BCAS4: variants seen among roughly 807,000 people sequenced by gnomAD.
BCAS4 encodes the protein breast carcinoma-amplified sequence 4.
Under a neutral mutation model 15.7 loss-of-function variants are expected in BCAS4, and 9 were observed. That is an observed-to-expected ratio of 0.57 (90% CI 0.34 to 1.00). The LOEUF (loss-of-function observed/expected upper bound fraction) is 1.00. Ranked by LOEUF, BCAS4 falls within the 50% of genes least tolerant of loss-of-function variation. The probability of loss-of-function intolerance (pLI) is 0.02; values close to 1 mark genes in which losing one functional copy is unlikely to be tolerated. For missense variants in BCAS4, 225 were observed against 239.1 expected (o/e 0.94, Z 0.39); for synonymous variants, 101 against 99.5 (o/e 1.02, Z -0.09).
intron 2 of BCAS4, among the ~76,000 whole-genome samples, chr20:50,823,343 G>A (rs1286000497): frequency 2.0e-5 from 3 of 150,946 alleles, no homozygotes; most frequent in Non-Finnish European, 4.4e-5. Context: ...CCGTCCCCCC[G>A]GCCCAAAAAA....
At chr20:50,870,458 G>A (rs1036538055) in intron 4 of BCAS4, among the ~76,000 whole-genome samples, 2 of 152,192 alleles carry the variant, frequency 1.3e-5, no homozygotes, top group African/African-American at 2.4e-5. Flanking sequence ...ACCCTGTCAC[G>A]TGCTGTGACA....
chr20:50,857,814 T>A (rs1978846355), intron 4 of BCAS4, among the ~76,000 whole-genome samples: 2 of 152,186 alleles, frequency 1.3e-5, no homozygotes, highest in Non-Finnish European at 2.9e-5. Context: ...AGTGAGTTAT[T>A]CCCCATCAGC....
rs550628520 is a variant in BCAS4 at position 50,841,877 on chromosome 20, G to A, written c.376G>A (p.Ala126Thr). Reference sequence around the variant, plus strand: ...GGCCCTGCGGAGGTGGCTGGGATCCGCAGGGCTCCCCTCCTTCAGGAACGT... The same window carrying A: ...GGCCCTGCGGAGGTGGCTGGGATCCACAGGGCTCCCCTCCTTCAGGAACGT... ...PQALRRWLGS[A>T]GLPSFRNKSP... Residue 126 changes from alanine (A) to threonine (T), a missense_variant, in exon 4 of 5, where the codon GCA (alanine) becomes ACA (threonine). Transcript: ENST00000371608. The A allele has an allele frequency of 7.2e-5, 115 of 1,595,070 alleles. 3 individuals are homozygous for A. In the South Asian group the frequency reaches 1.0e-3, roughly 14 times the overall value.
intron 3 of BCAS4, among the ~76,000 whole-genome samples, chr20:50,832,443 A>C (rs1294921984): frequency 2.0e-5 from 3 of 151,996 alleles, no homozygotes; most frequent in Admixed American, 6.6e-5. Context: ...TTTTTCGTAG[A>C]GACAGGGTTT....
At chr20:50,861,599 G>C (rs1979071495) in intron 4 of BCAS4, among the ~76,000 whole-genome samples, 1 of 152,162 alleles carries the variant, frequency 6.6e-6, no homozygotes, top group Admixed American at 6.5e-5. Flanking sequence ...CAGTTGTTTT[G>C]TGTGTCCATG....
chr20:50,855,754 G>T (rs1243766070), intron 4 of BCAS4, among the ~76,000 whole-genome samples: 1 of 152,198 alleles, frequency 6.6e-6, no homozygotes, highest in Non-Finnish European at 1.5e-5. Flanking sequence ...GGACGCTTTT[G>T]ACTGTGTCAC....
chr20:50,840,734 C>T (rs867107422), intron 3 of BCAS4: 5 of 1,611,886 alleles, frequency 3.1e-6, no homozygotes, highest in African/African-American at 2.7e-5. Flanking sequence ...TCAGCCATAT[C>T]GGATTTGTCA....
At chr20:50,848,454 T>C (rs1456463516) in intron 4 of BCAS4, among the ~76,000 whole-genome samples, 2 of 151,934 alleles carry the variant, frequency 1.3e-5, no homozygotes, top group Non-Finnish European at 2.9e-5. Context: ...GCTTGAGAAA[T>C]TGCTAGTCCA....
At chr20:50,806,574 G>A (rs1292169890) in intron 1 of BCAS4, among the ~76,000 whole-genome samples, 1 of 152,220 alleles carries the variant, frequency 6.6e-6, no homozygotes, top group African/African-American at 2.4e-5. Context: ...GTGTCTAGCA[G>A]TTGGTGCTGG....
At chr20:50,849,329 G>T (rs184447020) in intron 4 of BCAS4, among the ~76,000 whole-genome samples, 1 of 152,192 alleles carries the variant, frequency 6.6e-6, no homozygotes, top group Non-Finnish European at 1.5e-5. Context: ...TGCTGCCCTG[G>T]GGGAGGGAAG....
At chr20:50,803,701 C>T (rs1225362893) in intron 1 of BCAS4, among the ~76,000 whole-genome samples, 2 of 150,660 alleles carry the variant, frequency 1.3e-5, no homozygotes, top group Non-Finnish European at 2.9e-5. Flanking sequence ...ATAAATTAGC[C>T]AGGTGTGGTG....
At chr20:50,814,945 C>A (rs538276491) in intron 1 of BCAS4, among the ~76,000 whole-genome samples, 2 of 152,140 alleles carry the variant, frequency 1.3e-5, no homozygotes, top group Middle Eastern at 6.8e-3. Flanking sequence ...CCTGTCTCTG[C>A]AAAAATTAAA....
intron 3 of BCAS4, among the ~76,000 whole-genome samples, chr20:50,837,480 G>C (rs774615927): frequency 6.6e-6 from 1 of 152,128 alleles, no homozygotes; most frequent in Non-Finnish European, 1.5e-5. Context: ...TAAACAATGA[G>C]GCTTTCCTTC....
At chr20:50,846,347 GA>G (rs1464654175) in intron 4 of BCAS4, among the ~76,000 whole-genome samples, 1 of 152,134 alleles carries the variant, frequency 6.6e-6, no homozygotes, top group Non-Finnish European at 1.5e-5. Context: ...GTAAGCCTCA[GA>G]GACAGCCAGG....
chr20:50,795,263 C>T, intron 1 of BCAS4, 90 bp downstream of exon 1: 1 of 1,184,330 alleles, frequency 8.4e-7, no homozygotes, highest in Non-Finnish European at 1.1e-6. Context: ...AGCATCCTCT[C>T]GCTCCCGGAG....
intron 2 of BCAS4, among the ~76,000 whole-genome samples, chr20:50,825,492 T>A (rs183925950): frequency 3.5e-4 from 53 of 152,344 alleles, no homozygotes; most frequent in Non-Finnish European, 6.3e-4. Context: ...GTAACTACGG[T>A]AAACCTCTGG....
chr20:50,846,607 CTTTTTTTTTTTTT>C (rs144685124), intron 4 of BCAS4: 5 of 69,802 alleles, frequency 7.2e-5, no homozygotes, highest in African/African-American at 2.4e-4. Flanking sequence ...GTCTCTCTCT[CTTTTTTTTTTTTT>C]TTTTTTTTTT....
intron 2 of BCAS4, among the ~76,000 whole-genome samples, chr20:50,822,636 G>GTT (rs1231222139): frequency 5.7e-5 from 8 of 140,408 alleles, no homozygotes; most frequent in South Asian, 2.3e-4. Context: ...TTTCTTACAG[G>GTT]TTTTTTTTTT....
intron 1 of BCAS4, 140 bp downstream of exon 1, chr20:50,795,313 G>A (rs2087840659): frequency 2.5e-6 from 2 of 786,568 alleles, no homozygotes; most frequent in Admixed American, 4.2e-5. Context: ...AAGGGTGGCT[G>A]CGGGGCGCCA....
Sources: allele counts gnomAD v4.1 joint callset (sites outside exome capture counted in the v4.1 genomes callset), GRCh38; gene constraint gnomAD v4.1.1; transcripts MANE v1.5; gene names NCBI Gene and HGNC (gene_info 2026-07-23, HGNC 2026-07-21).